Variants in GPR158 observed in about 807,000 individuals in gnomAD.
GPR158 encodes metabotropic glycine receptor.
In GPR158, 30 loss-of-function variants were observed where a neutral mutation model predicts 78.2. The ratio of observed to expected loss-of-function variants is 0.38; its 90% CI spans 0.29 to 0.52. The LOEUF is 0.52. Ranked by LOEUF, GPR158 falls within the 20% of genes least tolerant of loss-of-function variation. The pLI is 0.83. For missense variants in GPR158, 1,463 were observed against 1,523.5 expected (o/e 0.96, Z 0.66); for synonymous variants, 581 against 591.1 (o/e 0.98, Z 0.25).
At chr10:25,576,817 A>G (rs1488060959) in intron 7 of GPR158, among the ~76,000 whole-genome samples, 3 of 152,160 alleles carry the variant, frequency 2.0e-5, no homozygotes, top group African/African-American at 7.2e-5. Context: ...GTCTCTTAGA[A>G]AATCAAGACT....
At chr10:25,190,227 C>T (rs549099324) in intron 1 of GPR158, among the ~76,000 whole-genome samples, 6 of 152,036 alleles carry the variant, frequency 3.9e-5, no homozygotes, top group Admixed American at 1.3e-4. Flanking sequence ...ATTCCGTTTG[C>T]CATTTTAACT....
At chr10:25,347,462 A>G (rs1197199606) in intron 2 of GPR158, among the ~76,000 whole-genome samples, 1 of 151,998 alleles carries the variant, frequency 6.6e-6, no homozygotes, top group Non-Finnish European at 1.5e-5. Flanking sequence ...CACAGGCTGC[A>G]CAGATTAGGA....
chr10:25,363,613 G>A (rs1404742432), intron 2 of GPR158, among the ~76,000 whole-genome samples: 1 of 151,942 alleles, frequency 6.6e-6, no homozygotes, highest in Non-Finnish European at 1.5e-5. Context: ...AATGAGATGT[G>A]ATCTGATTAG....
intron 2 of GPR158, among the ~76,000 whole-genome samples, chr10:25,271,024 C>T (rs1480838581): frequency 6.6e-6 from 1 of 152,198 alleles, no homozygotes; most frequent in Non-Finnish European, 1.5e-5. Flanking sequence ...GATATTCTTG[C>T]CCTAGTGACA....
chr10:25,231,178 A>T lies in GPR158; in HGVS notation c.1008+10021A>T, dbSNP rs115296259. On this transcript the variant is annotated intron_variant, in intron 2 of 10. Coordinates refer to ENST00000376351, the MANE Select transcript of GPR158 (RefSeq NM_020752.3). ...CAGCATTGCCACGTTCATTCAAGCT[A>T]GCTTATAGGAGTTGATGTCCAGTTA... Among the ~76,000 whole-genome samples the T allele has an allele frequency of 4.0e-3, 604 of 152,320 alleles. 4 individuals carry two copies. The highest frequency in any genetic ancestry group is 0.013 in the African/African-American group (561 of 41,576).
At chr10:25,369,510 G>A (rs1200459547) in intron 2 of GPR158, among the ~76,000 whole-genome samples, 7 of 147,614 alleles carry the variant, frequency 4.7e-5, no homozygotes, top group Non-Finnish European at 1.1e-4. Context: ...GCATCCCAGG[G>A]ATGAAGCCCA....
chr10:25,562,138 C>G (rs193056361), intron 6 of GPR158, among the ~76,000 whole-genome samples: 4 of 150,300 alleles, frequency 2.7e-5, no homozygotes, highest in African/African-American at 9.8e-5. Context: ...TTTTTATTTA[C>G]ATAAAGTCAG....
chr10:25,251,955 C>G (rs1297438679), intron 2 of GPR158, among the ~76,000 whole-genome samples: 1 of 152,096 alleles, frequency 6.6e-6, no homozygotes, highest in Non-Finnish European at 1.5e-5. Flanking sequence ...ATACACCAAT[C>G]AGACGTAGAT....
At position 25,597,897 on chromosome 10, in the gene GPR158, C is replaced by A; in HGVS notation, c.2271C>A (p.Arg757=). 6.2e-7 allele frequency: 1 copy of A among 1,610,028 alleles called. No individual in the cohort carries two copies. The highest frequency in any genetic ancestry group is 8.5e-7 in the Non-Finnish European group (1 of 1,178,258). ...KKGLGRSIMR[R]ITEIPETVSR... The stretch of plus-strand genomic sequence containing the variant: ...GCCTAGGTCGTTCCATCATGAGACG[C>A]ATTACGGAGATCCCAGAGACAGTCA... The change falls in exon 11 of 11, where the codon CGC becomes CGA. Residue 757 remains arginine (R), a synonymous_variant. Coordinates refer to ENST00000376351, the MANE Select transcript of GPR158 (RefSeq NM_020752.3).
At chr10:25,279,161 C>A (rs937082426) in intron 2 of GPR158, among the ~76,000 whole-genome samples, 2 of 152,062 alleles carry the variant, frequency 1.3e-5, no homozygotes, top group African/African-American at 4.8e-5. Context: ...ACTGCTGCTG[C>A]TACTGCTGAT....
chr10:25,478,136 G>A (rs1835614186), intron 5 of GPR158, among the ~76,000 whole-genome samples: 1 of 152,124 alleles, frequency 6.6e-6, no homozygotes, highest in African/African-American at 2.4e-5. Flanking sequence ...TCCAATCAGT[G>A]ATGTATGAGG....
chr10:25,314,730 A>C (rs1854820508), intron 2 of GPR158, among the ~76,000 whole-genome samples: 1 of 150,262 alleles, frequency 6.7e-6, no homozygotes, highest in South Asian at 2.1e-4. Flanking sequence ...TAAGACTATA[A>C]ATTTTCCTAA....
At chr10:25,444,801 T>A (rs564525720) in intron 4 of GPR158, among the ~76,000 whole-genome samples, 2 of 152,186 alleles carry the variant, frequency 1.3e-5, no homozygotes, top group African/African-American at 4.8e-5. Flanking sequence ...TATCATTGAG[T>A]TTTAAAGCAT....
At chr10:25,582,706 CT>C (rs1171207820) in intron 7 of GPR158, among the ~76,000 whole-genome samples, 2 of 152,210 alleles carry the variant, frequency 1.3e-5, no homozygotes, top group African/African-American at 4.8e-5. Flanking sequence ...AAAATTGTTA[CT>C]CCTGCCTTTT....
In GPR158 at chr10:25,412,505, A is replaced by G. The variant is rs764371524; in HGVS notation, c.1335+32A>G. ...CCAGGAACCCTGGTTATGATCCTGT[A>G]TTACAGAGCAACCTCTTATCTTTTT... On this transcript the variant is annotated intron_variant, in intron 4 of 10. Coordinates refer to ENST00000376351, the MANE Select transcript of GPR158 (RefSeq NM_020752.3). 2.8e-6 allele frequency: 4 copies of G among 1,411,836 alleles called. No homozygotes were observed. The Admixed American group carries it at 6.7e-5, about 24-fold the overall frequency. The allele number at this position is 1,411,836 out of a possible 1,614,324, so 87.5% of individuals were successfully genotyped here. A position where few individuals can be genotyped will look rare whatever the true frequency, so the allele number is the denominator to read the frequency against.
chr10:25,473,881 G>A (rs989788132), intron 5 of GPR158, among the ~76,000 whole-genome samples: 4 of 152,016 alleles, frequency 2.6e-5, no homozygotes, highest in Non-Finnish European at 2.9e-5. Flanking sequence ...CATAATAATG[G>A]TCTCCAACAA....
intron 5 of GPR158, among the ~76,000 whole-genome samples, chr10:25,523,911 C>T (rs754047162): frequency 1.6e-4 from 25 of 151,958 alleles, no homozygotes; most frequent in Non-Finnish European, 2.6e-4. Flanking sequence ...GCAGATGAAA[C>T]GATCTTATAG....
intron 7 of GPR158, 66 bp downstream of exon 7, chr10:25,572,953 T>C: frequency 1.1e-6 from 1 of 948,138 alleles, no homozygotes; most frequent in Non-Finnish European, 1.7e-6. Flanking sequence ...CTGACTTCTT[T>C]AAAAGTCTTG....
In GPR158 at chr10:25,247,027, G is replaced by C. The variant is rs148879396; in HGVS notation, c.1008+25870G>C. Among the ~76,000 whole-genome samples the C allele has an allele frequency of 4.6e-3, 696 of 152,246 alleles. 8 individuals carry two copies. Among genetic ancestry groups the C allele is most frequent in the African/African-American group, 0.015 (622 of 41,546 alleles). ...GGTGAAAGTCAACGGTGCCTTTTTA[G>C]CCAACTTGGAGGTTTTGAGGAATGT... On this transcript the variant is annotated intron_variant, in intron 2 of 10. Transcript: ENST00000376351.
Sources: gnomAD v4.1 joint callset for allele counts (sites outside exome capture counted in the v4.1 genomes callset) on GRCh38, gnomAD v4.1.1 for gene constraint, MANE v1.5 for transcripts, NCBI Gene and HGNC (gene_info 2026-07-23, HGNC 2026-07-21) for gene names.